GALK2: variants seen among roughly 807,000 people sequenced by gnomAD.
GALK2 encodes the protein N-acetylgalactosamine kinase.
In GALK2, 36 loss-of-function variants were observed where a neutral mutation model predicts 52.4. The ratio of observed to expected loss-of-function variants is 0.69; its 90% CI spans 0.53 to 0.91. GALK2 has a LOEUF of 0.91. GALK2 is among the 40% of genes least tolerant of loss of function. GALK2 has a pLI of 0.00. For synonymous variants in GALK2, 176 were observed against 199.1 expected (o/e 0.88, Z 0.98); for missense variants, 579 against 559.1 (o/e 1.04, Z -0.36).
At chr15:49,237,921 A>G (rs943566043) in intron 4 of GALK2, among the ~76,000 whole-genome samples, 1 of 152,010 alleles carries the variant, frequency 6.6e-6, no homozygotes, top group African/African-American at 2.4e-5. Context: ...GTTTCAGTTT[A>G]TAGTTTGTTT....
intron 3 of GALK2, chr15:49,353,386 C>G (rs540811194): frequency 6.6e-6 from 1 of 152,232 alleles, no homozygotes; most frequent in East Asian, 1.9e-4. Flanking sequence ...TTCCTCTTTT[C>G]AGACAATTAG....
At chr15:49,160,957 A>G (rs1477135273) in intron 1 of GALK2, among the ~76,000 whole-genome samples, 1 of 152,224 alleles carries the variant, frequency 6.6e-6, no homozygotes, top group Non-Finnish European at 1.5e-5. Flanking sequence ...ATTGTTCAAA[A>G]GAGAAAATAG....
intron 3 of GALK2, chr15:49,354,062 T>C (rs1422876364): frequency 6.6e-6 from 1 of 152,250 alleles, no homozygotes; most frequent in Non-Finnish European, 1.5e-5. Flanking sequence ...TTTTTTTCAC[T>C]GTTGACAATT....
intron 3 of GALK2, chr15:49,367,449 G>T: frequency 6.4e-7 from 1 of 1,567,110 alleles, no homozygotes; most frequent in Non-Finnish European, 8.6e-7. Flanking sequence ...AAAGGATATG[G>T]TTCCTGGAAT....
intron 5 of GALK2, among the ~76,000 whole-genome samples, chr15:49,271,175 C>G (rs2030523951): frequency 6.6e-6 from 1 of 152,190 alleles, no homozygotes; most frequent in Non-Finnish European, 1.5e-5. Flanking sequence ...GCCTTTACCA[C>G]AGGCATTGGA....
chr15:49,187,065 C>T (rs944114195), intron 1 of GALK2, among the ~76,000 whole-genome samples: 16 of 152,138 alleles, frequency 1.1e-4, no homozygotes, highest in Non-Finnish European at 1.9e-4. Context: ...TATTTGTATC[C>T]TTTTGGGGCA....
chr15:49,285,131 A>G (rs2141780336), intron 7 of GALK2, among the ~76,000 whole-genome samples: 1 of 152,198 alleles, frequency 6.6e-6, no homozygotes, highest in South Asian at 2.1e-4. Context: ...CACAATGTTG[A>G]ATTTGCTCTT....
intron 1 of GALK2, among the ~76,000 whole-genome samples, chr15:49,177,174 C>T (rs2085527193): frequency 6.6e-6 from 1 of 151,656 alleles, no homozygotes; most frequent in Admixed American, 6.6e-5. Flanking sequence ...ATTTTTTTAT[C>T]CAATCTGCTA....
chr15:49,340,327 C>T (rs1469549446), intron 3 of GALK2, among the ~76,000 whole-genome samples: 2 of 151,998 alleles, frequency 1.3e-5, no homozygotes, highest in African/African-American at 4.8e-5. Flanking sequence ...GTACACGGTA[C>T]AGTCCCTAAT....
chr15:49,329,681 A>G lies in GALK2; in HGVS notation c.*1522A>G, dbSNP rs2038224617. On this transcript the variant is annotated 3_prime_UTR_variant, in exon 10 of 10. Transcript: ENST00000560031. ...ATTTGTTAAAAGAATTTTGAGTTCT[A>G]TAAATCCAAAAATCTGAAACCTGAA... is the stretch of plus-strand genomic sequence containing the variant. 1.0e-6 allele frequency: 1 copy of G among 980,796 alleles called. No homozygotes were observed. 60.8% of individuals were successfully genotyped at this position (980,796 alleles called of 1,614,324 possible).
intron 3 of GALK2, 35 bp from the exon 4 acceptor site, chr15:49,235,816 A>C: frequency 6.9e-7 from 1 of 1,454,734 alleles, no homozygotes; most frequent in South Asian, 1.1e-5. Context: ...CAAGGCCTAC[A>C]GATTTTAAAT....
Position 49,328,192 on chromosome 15 carries a change from G to C in GALK2, c.*33G>C. 6.3e-7 allele frequency: 1 copy of C among 1,583,728 alleles called. No individual in the cohort carries two copies. The highest frequency in any genetic ancestry group is 8.6e-7 in the Non-Finnish European group (1 of 1,162,902). On this transcript the variant is annotated 3_prime_UTR_variant, in exon 10 of 10. Coordinates refer to ENST00000560031, the MANE Select transcript of GALK2 (RefSeq NM_002044.4). ...TAAAAAGTCTGAGAGAAACTACTTA[G>C]GGCACTTAGGAATTGGCAGGACTTT...
At position 49,329,084 on chromosome 15, in the gene GALK2, C is replaced by T; in HGVS notation, c.*925C>T. 1.0e-6 allele frequency: 1 copy of T among 996,466 alleles called. No individual in the cohort carries two copies. The highest frequency in any genetic ancestry group is 1.2e-6 in the Non-Finnish European group (1 of 836,450). 61.7% of individuals were successfully genotyped at this position (996,466 alleles called of 1,614,324 possible). A position where few individuals can be genotyped will look rare whatever the true frequency, so the allele number is the denominator to read the frequency against. On this transcript the variant is annotated 3_prime_UTR_variant, in exon 10 of 10. Transcript: ENST00000560031. ...AGAGGCACTTCCAAGAAATTCCACA[C>T]ATTCCTTATATCCCTTTTTTGCTTG...
chr15:49,180,837 G>A (rs1360498638), intron 1 of GALK2, among the ~76,000 whole-genome samples: 1 of 152,068 alleles, frequency 6.6e-6, no homozygotes, highest in Non-Finnish European at 1.5e-5. Context: ...CCTCTTTGGG[G>A]ATCCTTTAAT....
Position 49,328,622 on chromosome 15 carries a change from TGATGATGAC to T in GALK2, c.*467_*475del, listed in dbSNP as rs772992443. On this transcript the variant is annotated 3_prime_UTR_variant, in exon 10 of 10. Transcript: ENST00000560031. ...TGTCTGTTGATGATGGTGATGATGA[TGATGATGAC>T]GATAGTGATGCCACACATTCTCTCT... is the stretch of plus-strand genomic sequence containing the variant. 16 of 1,587,438 alleles carry T rather than the reference TGATGATGAC, an allele frequency of 1.0e-5. No homozygotes were observed. Among genetic ancestry groups the T allele is most frequent in the African/African-American group, 1.3e-5 (1 of 74,708 alleles).
At chr15:49,309,758 T>C (rs1484777988) in intron 8 of GALK2, among the ~76,000 whole-genome samples, 1 of 151,954 alleles carries the variant, frequency 6.6e-6, no homozygotes, top group East Asian at 1.9e-4. Flanking sequence ...GTAGCTGGGA[T>C]TACAGGCATG....
intron 3 of GALK2, among the ~76,000 whole-genome samples, chr15:49,222,742 C>T (rs2089893330): frequency 6.6e-6 from 1 of 152,094 alleles, no homozygotes; most frequent in African/African-American, 2.4e-5. Flanking sequence ...GGGATAAATC[C>T]CGCTTGATCA....
intron 2 of GALK2, among the ~76,000 whole-genome samples, chr15:49,211,938 G>A (rs2088935640): frequency 6.6e-6 from 1 of 152,056 alleles, no homozygotes; most frequent in African/African-American, 2.4e-5. Context: ...TATCATATGG[G>A]TCTAGGCATT....
At chr15:49,298,807 T>G (rs1373567510) in intron 8 of GALK2, among the ~76,000 whole-genome samples, 1 of 152,158 alleles carries the variant, frequency 6.6e-6, no homozygotes, top group Non-Finnish European at 1.5e-5. Flanking sequence ...GGATTCAATT[T>G]CCTAGTTTTT....
Sources: gnomAD v4.1 joint callset for allele counts (sites outside exome capture counted in the v4.1 genomes callset) on GRCh38, gnomAD v4.1.1 for gene constraint, MANE v1.5 for transcripts, NCBI Gene and HGNC (gene_info 2026-07-23, HGNC 2026-07-21) for gene names.